BMPER: variants seen among roughly 807,000 people sequenced by gnomAD.
BMPER encodes BMP-binding endothelial regulator protein.
Under a neutral mutation model 87.3 loss-of-function variants are expected in BMPER, and 45 were observed. The observed-to-expected ratio is 0.52, with a 90% CI of 0.41 to 0.66. BMPER has a LOEUF of 0.66. Ranked by LOEUF, BMPER falls within the 30% of genes least tolerant of loss-of-function variation. BMPER has a pLI of 0.00. For missense variants in BMPER, 784 were observed against 867.5 expected, an observed-to-expected ratio of 0.90 and a Z score of 1.21; for synonymous variants, 326 against 316.2, an observed-to-expected ratio of 1.03 and a Z score of -0.33.
At chr7:34,095,282 G>C (rs1222878871) in intron 13 of BMPER, among the ~76,000 whole-genome samples, 3 of 152,156 alleles carry the variant, frequency 2.0e-5, no homozygotes, top group Admixed American at 6.5e-5. Context: ...CAGGCTGTAG[G>C]AAAAGAAGAA....
intron 13 of BMPER, among the ~76,000 whole-genome samples, chr7:34,097,867 A>G (rs1789570875): frequency 6.6e-6 from 1 of 152,180 alleles, no homozygotes; most frequent in African/African-American, 2.4e-5. Context: ...AACATTAGAG[A>G]CAAGAATCCA....
intron 13 of BMPER, among the ~76,000 whole-genome samples, chr7:34,102,146 A>ATTT (rs34734593): frequency 2.0e-5 from 3 of 150,956 alleles, no homozygotes; most frequent in Non-Finnish European, 4.4e-5. Flanking sequence ...CCTTTTCTCC[A>ATTT]TTTTTTTTTG....
intron 11 of BMPER, among the ~76,000 whole-genome samples, chr7:34,071,972 C>T (rs1296333897): frequency 6.6e-6 from 1 of 152,146 alleles, no homozygotes; most frequent in African/African-American, 2.4e-5. Context: ...TCTGTGACCC[C>T]AGCTAGTTAA....
chr7:33,937,362 G>GGGGA lies in BMPER; in HGVS notation c.295_298dup (p.Ala100GlyfsTer5). ...GACTGTGCCCTGGCCATCAAGCAGA[G>GGGGA]GGGAGCCTGTTGTGAACAGTGCAAA... On this transcript the variant is annotated frameshift_variant, in exon 3 of 15. Transcript: ENST00000649409. LOFTEE classifies it high-confidence loss of function. The GGGGA allele has an allele frequency of 1.2e-6, 2 of 1,614,176 alleles. No homozygotes were observed. Among genetic ancestry groups the GGGGA allele is most frequent in the Non-Finnish European group, 1.7e-6 (2 of 1,180,026 alleles).
At chr7:34,003,175 G>A (rs540847648) in intron 6 of BMPER, among the ~76,000 whole-genome samples, 1 of 151,524 alleles carries the variant, frequency 6.6e-6, no homozygotes, top group South Asian at 2.1e-4. Context: ...TAGTATAAAT[G>A]TGTGTACACA....
chr7:33,951,525 A>G (rs1785024091), intron 3 of BMPER, among the ~76,000 whole-genome samples: 1 of 152,042 alleles, frequency 6.6e-6, no homozygotes, highest in African/African-American at 2.4e-5. Flanking sequence ...TACTTGCTGT[A>G]CAATTAAGTA....
chr7:34,021,784 T>C (rs1787194796), intron 6 of BMPER, among the ~76,000 whole-genome samples: 1 of 152,000 alleles, frequency 6.6e-6, no homozygotes, highest in South Asian at 2.1e-4. Flanking sequence ...AAATACCAAG[T>C]TGTCCAAGCT....
intron 13 of BMPER, among the ~76,000 whole-genome samples, chr7:34,136,329 C>T (rs978776189): frequency 2.0e-5 from 3 of 152,084 alleles, no homozygotes; most frequent in Non-Finnish European, 2.9e-5. Context: ...GTGAACGTGC[C>T]TGTATAGGGC....
chr7:34,065,201 T>TCA (rs370266864), intron 11 of BMPER, among the ~76,000 whole-genome samples: 1 of 89,022 alleles, frequency 1.1e-5, no homozygotes, highest in African/African-American at 3.9e-5. Flanking sequence ...ACATACACAC[T>TCA]CACTCTCTCT....
At chr7:33,996,230 T>G (rs1301471683) in intron 6 of BMPER, among the ~76,000 whole-genome samples, 1 of 152,190 alleles carries the variant, frequency 6.6e-6, no homozygotes, top group Non-Finnish European at 1.5e-5. Flanking sequence ...CATTTTTTTT[T>G]TAAATAAAAG....
chr7:34,107,622 C>G (rs976094622), intron 13 of BMPER, among the ~76,000 whole-genome samples: 20 of 152,164 alleles, frequency 1.3e-4, no homozygotes, highest in African/African-American at 7.2e-5. Context: ...TTTTTCTCCT[C>G]TCTTCTGTGT....
chr7:33,910,908 A>T (rs1200406620), intron 2 of BMPER, among the ~76,000 whole-genome samples: 1 of 152,248 alleles, frequency 6.6e-6, no homozygotes, highest in Non-Finnish European at 1.5e-5. Context: ...TGGAGAATAG[A>T]TATCTATTAT....
At chr7:33,973,892 G>T (rs1243210645) in intron 5 of BMPER, among the ~76,000 whole-genome samples, 2 of 152,112 alleles carry the variant, frequency 1.3e-5, no homozygotes, top group Non-Finnish European at 2.9e-5. Context: ...TGCCATTTAT[G>T]ACCTCTCTTT....
At chr7:34,106,352 G>A (rs1202645991) in intron 13 of BMPER, among the ~76,000 whole-genome samples, 1 of 152,138 alleles carries the variant, frequency 6.6e-6, no homozygotes, top group South Asian at 2.1e-4. Flanking sequence ...CAGGTCATAC[G>A]TTTGGATAAC....
intron 11 of BMPER, among the ~76,000 whole-genome samples, chr7:34,066,372 A>G (rs1427375562): frequency 1.3e-5 from 2 of 152,250 alleles, no homozygotes; most frequent in Non-Finnish European, 2.9e-5. Flanking sequence ...TATGAAAAGC[A>G]TTGCTGTCTT....
chr7:33,907,846 C>A (rs1342728817), intron 2 of BMPER, among the ~76,000 whole-genome samples: 1 of 152,166 alleles, frequency 6.6e-6, no homozygotes, highest in African/African-American at 2.4e-5. Context: ...AGAAGGAATT[C>A]ATTTCGGTTT....
chr7:34,053,483 C>CT (rs775003005), intron 8 of BMPER, among the ~76,000 whole-genome samples: 4 of 152,192 alleles, frequency 2.6e-5, no homozygotes, highest in Non-Finnish European at 5.9e-5. Flanking sequence ...TAATTTTTGA[C>CT]TCCTTATAGA....
rs756565751 is a variant in BMPER at position 34,051,875 on chromosome 7, T to C, written c.691T>C (p.Phe231Leu). The C allele has an allele frequency of 6.2e-7, 1 of 1,613,596 alleles. No homozygotes were observed. The highest frequency in any genetic ancestry group is 8.5e-7 in the Non-Finnish European group (1 of 1,179,508). Residue 231 changes from phenylalanine (F) to leucine (L), a missense_variant, in exon 8 of 15, where the codon TTT becomes CTT. Transcript: ENST00000649409. ...TTTCTCTCTAGGTCAGAGGAAAGTG[T>C]TTGACCTCCCTTTTGGGAGCTGCCT... Reference protein sequence around the residue: ...CPKCLGQRKVFDLPFGSCLFR... With the variant: ...CPKCLGQRKVLDLPFGSCLFR...
At chr7:34,079,652 A>C (rs1237836653) in intron 12 of BMPER, among the ~76,000 whole-genome samples, 4 of 152,190 alleles carry the variant, frequency 2.6e-5, no homozygotes, top group Non-Finnish European at 5.9e-5. Context: ...TTTGCAGCGG[A>C]GTCCTCAAAA....
Sources: gnomAD v4.1 joint callset for allele counts (sites outside exome capture counted in the v4.1 genomes callset) on GRCh38, gnomAD v4.1.1 for gene constraint, MANE v1.5 for transcripts, NCBI Gene and HGNC (gene_info 2026-07-23, HGNC 2026-07-21) for gene names.